RUNX1T1: variants seen among roughly 807,000 people sequenced by gnomAD.
The protein encoded by RUNX1T1 is protein CBFA2T1.
In RUNX1T1, 4 loss-of-function variants were observed where a neutral mutation model predicts 62.8. The observed-to-expected ratio is 0.06, with a 90% CI of 0.03 to 0.15. RUNX1T1 has a LOEUF of 0.15. Among genes scored for constraint, RUNX1T1 ranks in the 10% least tolerant of loss-of-function variants. RUNX1T1 has a pLI of 1.00. For synonymous variants in RUNX1T1, 291 were observed against 286.0 expected, an observed-to-expected ratio of 1.02 and a Z score of -0.18; for missense variants, 508 against 754.3, an observed-to-expected ratio of 0.67 and a Z score of 3.82.
At chr8:92,080,288 G>T (rs1835044967) in intron 1 of RUNX1T1, among the ~76,000 whole-genome samples, 1 of 152,202 alleles carries the variant, frequency 6.6e-6, no homozygotes, top group Admixed American at 6.5e-5. Context: ...CTACTTCTGT[G>T]ACCTGTGATC....
chr8:92,005,604 A>G (rs1237736788), intron 4 of RUNX1T1: 2 of 281,270 alleles, frequency 7.1e-6, no homozygotes, highest in Non-Finnish European at 1.3e-5. Flanking sequence ...GTTCTACGGT[A>G]TGTGAGAACC....
At chr8:92,061,254 TA>T (rs1160698155) in intron 1 of RUNX1T1, among the ~76,000 whole-genome samples, 1 of 152,244 alleles carries the variant, frequency 6.6e-6, no homozygotes, top group Non-Finnish European at 1.5e-5. Context: ...ATTAACAGCA[TA>T]AAAAAGATCT....
intron 1 of RUNX1T1, among the ~76,000 whole-genome samples, chr8:92,089,342 C>A (rs1451504149): frequency 6.6e-6 from 1 of 152,076 alleles, no homozygotes; most frequent in Non-Finnish European, 1.5e-5. Flanking sequence ...ATTTTAGAAG[C>A]AATAGCAAAC....
chr8:92,067,688 GAT>G (rs1833070371), upstream of RUNX1T1, among the ~76,000 whole-genome samples: 1 of 152,134 alleles, frequency 6.6e-6, no homozygotes, highest in Non-Finnish European at 1.5e-5. Context: ...TGAATAAAAA[GAT>G]GTGTATTAGT....
upstream of RUNX1T1, among the ~76,000 whole-genome samples, chr8:92,102,147 C>G (rs1259428546): frequency 6.6e-6 from 1 of 152,160 alleles, no homozygotes; most frequent in African/African-American, 2.4e-5. The surrounding 1 kb of genome is among the most constrained non-coding windows in gnomAD (Gnocchi z 4.5). Flanking sequence ...GGGGACGACT[C>G]TCCCCATCGG....
At chr8:92,090,878 G>A (rs894358419) in intron 1 of RUNX1T1, among the ~76,000 whole-genome samples, 2 of 152,182 alleles carry the variant, frequency 1.3e-5, no homozygotes, top group African/African-American at 4.8e-5. Flanking sequence ...TGAAGAAAGT[G>A]AAACACTGGT....
At chr8:92,025,169 C>T (rs1001901640) in intron 1 of RUNX1T1, among the ~76,000 whole-genome samples, 3 of 152,158 alleles carry the variant, frequency 2.0e-5, no homozygotes, top group Non-Finnish European at 4.4e-5. Flanking sequence ...GAATGGACTC[C>T]CACCCGTCTC....
At chr8:92,076,937 G>C (rs562186876) in intron 1 of RUNX1T1, among the ~76,000 whole-genome samples, 202 of 151,932 alleles carry the variant, frequency 1.3e-3, no homozygotes, top group African/African-American at 4.8e-3. Context: ...GAAATATAAG[G>C]GTCCAGCACA....
rs74902947 is a variant in RUNX1T1, at chr8:92,045,158, A to T, written c.7+17388T>A. 5.1e-4 allele frequency among the ~76,000 whole-genome samples: 77 copies of T among 152,116 alleles called. 1 individual carries two copies. The East Asian group carries it at 0.014, about 29-fold the overall frequency. On this transcript the variant is annotated intron_variant, in intron 1 of 10. Transcript: ENST00000396218. ...AAAGTATAGAACACAAATAGGAAGG[A>T]TATAAAAGTTAATTACCAAGTGGGA... is the stretch of plus-strand genomic sequence containing the variant.
chr8:92,080,219 C>T (rs1835032719), intron 1 of RUNX1T1, among the ~76,000 whole-genome samples: 1 of 152,232 alleles, frequency 6.6e-6, no homozygotes, highest in African/African-American at 2.4e-5. Context: ...GAATCCCACT[C>T]AATGAAATGC....
chr8:92,063,149 T>C (rs538478710), upstream of RUNX1T1, among the ~76,000 whole-genome samples: 1 of 152,000 alleles, frequency 6.6e-6, no homozygotes, highest in South Asian at 2.1e-4. Flanking sequence ...CAACTGGAAA[T>C]CCCAAACAGC....
intron 6 of RUNX1T1, among the ~76,000 whole-genome samples, chr8:91,990,686 C>G (rs1817495084): frequency 6.6e-6 from 1 of 151,686 alleles, no homozygotes; most frequent in Admixed American, 6.6e-5. Context: ...CTCTGCCACC[C>G]AGGCTGAGGT....
At chr8:92,049,400 GCTTTCCCT>G (rs1829901469) in intron 1 of RUNX1T1, among the ~76,000 whole-genome samples, 1 of 152,072 alleles carries the variant, frequency 6.6e-6, no homozygotes, top group Non-Finnish European at 1.5e-5. Context: ...TTTTTCTGTG[GCTTTCCCT>G]CTTTTTCTGA....
At chr8:91,995,779 C>G (rs1027333176) in intron 5 of RUNX1T1, among the ~76,000 whole-genome samples, 2 of 151,856 alleles carry the variant, frequency 1.3e-5, no homozygotes, top group African/African-American at 4.8e-5. Context: ...AGAGTGAGAC[C>G]CTGTCTCAAA....
intron 1 of RUNX1T1, among the ~76,000 whole-genome samples, chr8:92,077,529 C>T (rs1385049940): frequency 1.3e-5 from 2 of 152,036 alleles, no homozygotes; most frequent in Non-Finnish European, 2.9e-5. Context: ...ATGTGAGTAA[C>T]TTTTCTGCAC....
At chr8:92,005,459 G>GTAGCCCAGTGCTGA in intron 4 of RUNX1T1, 162 bp from the exon 6 acceptor site, 2 of 609,864 alleles carry the variant, frequency 3.3e-6, no homozygotes, top group Non-Finnish European at 5.6e-6. Flanking sequence ...CTCAGCACTG[G>GTAGCCCAGTGCTGA]GCTACCATGT....
At chr8:92,018,296 T>C (rs942641750) in intron 1 of RUNX1T1, among the ~76,000 whole-genome samples, 6 of 152,228 alleles carry the variant, frequency 3.9e-5, no homozygotes, top group East Asian at 1.9e-4. Context: ...TTGGTTATAA[T>C]AAACATTTAA....
intron 9 of RUNX1T1, among the ~76,000 whole-genome samples, chr8:91,974,421 T>A (rs112036713): frequency 0.056 from 8,592 of 152,194 alleles, 806 homozygotes; most frequent in African/African-American, 0.2. Flanking sequence ...CTGGTAATTT[T>A]TCTCTATGAA....
chr8:91,997,998 G>T (rs567412196), intron 5 of RUNX1T1, among the ~76,000 whole-genome samples: 2 of 152,080 alleles, frequency 1.3e-5, no homozygotes, highest in East Asian at 3.8e-4. Flanking sequence ...TCTATTAAAC[G>T]CAGACCAAAG....
Sources: allele counts gnomAD v4.1 joint callset (sites outside exome capture counted in the v4.1 genomes callset), GRCh38; gene constraint gnomAD v4.1.1; non-coding constraint Gnocchi (gnomAD v3.1); transcripts MANE v1.5; gene names NCBI Gene and HGNC (gene_info 2026-07-23, HGNC 2026-07-21).